Variants in PAM observed in about 807,000 individuals in gnomAD.
PAM encodes peptidylglycine alpha-amidating monooxygenase, also known as peptidyl-glycine alpha-amidating monooxygenase.
Under a neutral mutation model 122.1 loss-of-function variants are expected in PAM, and 72 were observed. The ratio of observed to expected loss-of-function variants is 0.59; its 90% CI spans 0.49 to 0.72. The LOEUF (loss-of-function observed/expected upper bound fraction) is 0.72. Ranked by LOEUF, PAM falls within the 30% of genes least tolerant of loss-of-function variation. PAM has a pLI of 0.00. For missense variants in PAM, 1,106 were observed against 1,183.7 expected, an observed-to-expected ratio of 0.93 and a Z score of 0.96; for synonymous variants, 389 against 404.4, an observed-to-expected ratio of 0.96 and a Z score of 0.46.
At chr5:102,997,946 G>T (rs752731284) in intron 16 of PAM, among the ~76,000 whole-genome samples, 5 of 152,150 alleles carry the variant, frequency 3.3e-5, no homozygotes, top group Non-Finnish European at 7.4e-5. Flanking sequence ...ACTCCTTAAT[G>T]CAGCTTGTTT....
At chr5:103,016,026 G>A (rs1313018871) in intron 21 of PAM, among the ~76,000 whole-genome samples, 4 of 152,084 alleles carry the variant, frequency 2.6e-5, no homozygotes, top group Non-Finnish European at 5.9e-5. Flanking sequence ...CCTATCATTT[G>A]GTAGTCTTTT....
intron 2 of PAM, chr5:102,866,494 A>G (rs1204598261): frequency 1.8e-6 from 1 of 558,674 alleles, no homozygotes; most frequent in Non-Finnish European, 3.2e-6. Context: ...AACTCCAATT[A>G]GAAGTTGTGA....
chr5:102,866,105 C>A lies in PAM; in HGVS notation c.-91C>A. 1.3e-6 allele frequency: 1 copy of A among 765,816 alleles called. No individual in the cohort carries two copies. The highest frequency in any genetic ancestry group is 2.1e-6 in the Non-Finnish European group (1 of 470,038). The allele number at this position is 765,816 out of a possible 1,614,324, so 47.4% of individuals were successfully genotyped here. A position where few individuals can be genotyped will look rare whatever the true frequency, so the allele number is the denominator to read the frequency against. ...CCGCCGTGCCCGGGCCATGAAGTAG[C>A]GGCTGCTGGCGGCGCCGCTGCCCAA... On this transcript the variant is annotated 5_prime_UTR_variant, in exon 2 of 26. Coordinates refer to ENST00000438793, the MANE Select transcript of PAM (RefSeq NM_001177306.2).
At position 102,760,269 on chromosome 5, in the gene PAM, G is replaced by A. The variant is rs567983643; in HGVS notation, c.-374+4921G>A. ...TCAAGTATCTGCTTCACATCACATG[G>A]GGGGAACTGAGTTTCAGGACATTGG... On this transcript the variant is annotated intron_variant, in intron 1 of 25. Transcript: ENST00000438793. Among the ~76,000 whole-genome samples the A allele has an allele frequency of 1.4e-3, 208 of 152,258 alleles. 2 individuals are homozygous for A. Among genetic ancestry groups the A allele is most frequent in the African/African-American group, 4.8e-3 (200 of 41,544 alleles).
At chr5:102,842,890 T>C (rs1778996295) in intron 1 of PAM, among the ~76,000 whole-genome samples, 1 of 152,190 alleles carries the variant, frequency 6.6e-6, no homozygotes, top group Non-Finnish European at 1.5e-5. Flanking sequence ...TATACAACAA[T>C]GTTAGGATTT....
At chr5:102,829,616 C>T (rs889810158) in intron 1 of PAM, among the ~76,000 whole-genome samples, 14 of 152,094 alleles carry the variant, frequency 9.2e-5, no homozygotes, top group African/African-American at 1.7e-4. Context: ...CCTCATGATC[C>T]GCTGGCCTCG....
At chr5:102,897,366 C>T (rs989441115) in intron 3 of PAM, among the ~76,000 whole-genome samples, 8 of 151,590 alleles carry the variant, frequency 5.3e-5, no homozygotes, top group African/African-American at 1.9e-4. Context: ...CAAGATGTTT[C>T]CACTGGTTCT....
In PAM at chr5:102,990,517, T is replaced by C. The variant is rs1773728225; in HGVS notation, c.1613+116T>C. 4.4e-6 allele frequency: 3 copies of C among 676,718 alleles called. No homozygotes were observed. In the South Asian group the frequency reaches 1.1e-4, roughly 24 times the overall value. The allele number at this position is 676,718 out of a possible 1,614,324, so 41.9% of individuals were successfully genotyped here. ...ATAAAGGTTTTTTAGAATTTGACTTTTATGAGCAAAATGTATTTGTCCTTT... is the reference window on the plus strand; with the variant it reads ...ATAAAGGTTTTTTAGAATTTGACTTCTATGAGCAAAATGTATTTGTCCTTT... On this transcript the variant is annotated intron_variant, in intron 16 of 25. Transcript: ENST00000438793.
At chr5:102,764,499 A>G (rs1753310889) in intron 1 of PAM, among the ~76,000 whole-genome samples, 1 of 152,220 alleles carries the variant, frequency 6.6e-6, no homozygotes, top group Admixed American at 6.5e-5. Flanking sequence ...GGTATAAGAT[A>G]TTGAGGCTGG....
At chr5:102,786,101 G>A (rs1760450073) in intron 1 of PAM, among the ~76,000 whole-genome samples, 1 of 152,170 alleles carries the variant, frequency 6.6e-6, no homozygotes, top group Non-Finnish European at 1.5e-5. Context: ...TGGGTCAAGT[G>A]TACAGTGAAC....
At chr5:102,761,270 C>T (rs560234532) in intron 1 of PAM, among the ~76,000 whole-genome samples, 144 of 152,204 alleles carry the variant, frequency 9.5e-4, no homozygotes, top group Middle Eastern at 3.4e-3. Context: ...TAAATGACAC[C>T]GCAGAATTAA....
chr5:103,007,719 G>C, intron 20 of PAM, 62 bp downstream of exon 20: 1 of 1,070,632 alleles, frequency 9.3e-7, no homozygotes, highest in African/African-American at 1.6e-5. Flanking sequence ...TAAAAATTGT[G>C]TTATCTTAAT....
chr5:102,833,794 G>A (rs1307218738), intron 1 of PAM, among the ~76,000 whole-genome samples: 1 of 152,066 alleles, frequency 6.6e-6, no homozygotes, highest in African/African-American at 2.4e-5. Context: ...AGAGGACAAT[G>A]TTGGATTCCT....
chr5:102,895,774 G>C (rs924583782), intron 3 of PAM: 1 of 151,708 alleles, frequency 6.6e-6, no homozygotes, highest in African/African-American at 2.4e-5. Context: ...GGTAGTCATT[G>C]AGGAGCCTTT....
At chr5:102,943,311 T>G (rs1755908549) in intron 7 of PAM, among the ~76,000 whole-genome samples, 1 of 152,150 alleles carries the variant, frequency 6.6e-6, no homozygotes, top group Non-Finnish European at 1.5e-5. Flanking sequence ...TCCACATAAT[T>G]TACTACTTAG....
Position 102,865,991 on chromosome 5 carries a change from C to CT in PAM, c.-200dup. On this transcript the variant is annotated 5_prime_UTR_variant, in exon 2 of 26. Transcript: ENST00000438793. ...GGACAAAAGTCCCGCCTGCCCACGG[C>CT]TTTTTGCCCGCCGCTCGTGACCGAG... The CT allele has an allele frequency of 2.2e-6, 1 of 453,732 alleles. No individual in the cohort carries two copies. The highest frequency in any genetic ancestry group is 4.3e-5 in the South Asian group (1 of 23,126). The allele number at this position is 453,732 out of a possible 1,614,324, so 28.1% of individuals were successfully genotyped here.
At position 102,846,879 on chromosome 5, in the gene PAM, T is replaced by A. The variant is rs185632291; in HGVS notation, c.-373-18944T>A. 1.2e-4 allele frequency among the ~76,000 whole-genome samples: 18 copies of A among 152,330 alleles called. No homozygotes were observed. The East Asian group carries it at 3.5e-3, about 29-fold the overall frequency. On this transcript the variant is annotated intron_variant, in intron 1 of 25. Coordinates refer to ENST00000438793, the MANE Select transcript of PAM (RefSeq NM_001177306.2). ...ATGTCAAGTTGGCCCTGATTCTACATGAATTTTCAAGTCAACTAACATCTC... is the reference window on the plus strand; with the variant it reads ...ATGTCAAGTTGGCCCTGATTCTACAAGAATTTTCAAGTCAACTAACATCTC...
At chr5:102,825,564 A>G (rs1342128962) in intron 1 of PAM, among the ~76,000 whole-genome samples, 1 of 152,176 alleles carries the variant, frequency 6.6e-6, no homozygotes, top group Non-Finnish European at 1.5e-5. Flanking sequence ...AAGCTCCAGG[A>G]GTATGGGTTG....
At chr5:102,863,858 A>G (rs1385982152) in intron 1 of PAM, among the ~76,000 whole-genome samples, 1 of 151,266 alleles carries the variant, frequency 6.6e-6, no homozygotes, top group Non-Finnish European at 1.5e-5. Context: ...AAGCATAATT[A>G]GCTTTCATTT....
Sources: allele counts gnomAD v4.1 joint callset (sites outside exome capture counted in the v4.1 genomes callset), GRCh38; gene constraint gnomAD v4.1.1; transcripts MANE v1.5; gene names NCBI Gene and HGNC (gene_info 2026-07-23, HGNC 2026-07-21).